Variants in KIF17 observed in about 807,000 individuals in gnomAD.
KIF17 encodes kinesin family member 17.
Under a neutral mutation model 96.8 loss-of-function variants are expected in KIF17, and 80 were observed. The observed-to-expected ratio is 0.83, with a 90% CI of 0.69 to 1.00. KIF17 has a LOEUF of 1.00. KIF17 is among the 50% of genes least tolerant of loss of function. The probability of loss-of-function intolerance (pLI) is 0.00; values close to 1 mark genes in which losing one functional copy is unlikely to be tolerated. For synonymous variants in KIF17, 567 were observed against 587.5 expected, an observed-to-expected ratio of 0.97 and a Z score of 0.51; for missense variants, 1,280 against 1,372.9, an observed-to-expected ratio of 0.93 and a Z score of 1.07.
chr1:20,710,654 C>T (rs2054419668), intron 3 of KIF17, among the ~76,000 whole-genome samples: 2 of 152,270 alleles, frequency 1.3e-5, no homozygotes, highest in South Asian at 4.1e-4. Context: ...CCACAGGAGG[C>T]TCAGCTGCTT....
chr1:20,680,604 G>C (rs2053813507), intron 11 of KIF17, among the ~76,000 whole-genome samples: 1 of 151,816 alleles, frequency 6.6e-6, no homozygotes, highest in South Asian at 2.1e-4. Flanking sequence ...ACTCCAATTA[G>C]AATACATTTG....
At chr1:20,697,247 G>A (rs1057192307) in intron 6 of KIF17, among the ~76,000 whole-genome samples, 4 of 152,206 alleles carry the variant, frequency 2.6e-5, no homozygotes, top group African/African-American at 7.2e-5. Context: ...GATACATCCA[G>A]GCCTAGCCCC....
chr1:20,717,759 A>T lies in KIF17; in HGVS notation c.-53T>A, dbSNP rs2054608954. 6.7e-7 allele frequency: 1 copy of T among 1,495,728 alleles called. No homozygotes were observed. Among genetic ancestry groups the T allele is most frequent in the South Asian group, 1.3e-5 (1 of 79,864 alleles). The allele number at this position is 1,495,728 out of a possible 1,614,324, so 92.7% of individuals were successfully genotyped here. On this transcript the variant is annotated 5_prime_UTR_variant, in exon 1 of 15. Coordinates refer to ENST00000400463, the MANE Select transcript of KIF17 (RefSeq NM_001122819.3). The stretch of plus-strand genomic sequence containing the variant: ...AGAGCTGACCCCCGCCCCGCCGGGG[A>T]CTCCCAGCAGCCCGGGCCAAGGGGC...
rs112134727 is a variant in KIF17 at position 20,701,808 on chromosome 1, C to T, written c.1123+2639G>A. On this transcript the variant is annotated intron_variant, in intron 5 of 14. Coordinates refer to ENST00000400463, the MANE Select transcript of KIF17 (RefSeq NM_001122819.3). ...AGGAGGCCATCGGTGACAAGGACAA[C>T]GTCAATGGGCCAGGACAGGGCCTGC... Among the ~76,000 whole-genome samples, 737 of 152,212 alleles carry T rather than the reference C, an allele frequency of 4.8e-3. 11 individuals are homozygous for T. Among genetic ancestry groups the T allele is most frequent in the African/African-American group, 0.017 (712 of 41,528 alleles).
At chr1:20,696,205 G>A (rs908454796) in intron 6 of KIF17, among the ~76,000 whole-genome samples, 23 of 152,036 alleles carry the variant, frequency 1.5e-4, no homozygotes, top group African/African-American at 4.3e-4. Context: ...CTCCTGGCCC[G>A]TGTCCTCTTC....
Position 20,694,942 on chromosome 1 carries a change from C to T in KIF17, c.1233+3437G>A, listed in dbSNP as rs745444436. Among the ~76,000 whole-genome samples, 47 of 152,308 alleles carry T rather than the reference C, an allele frequency of 3.1e-4. 1 individual carries two copies. Among genetic ancestry groups the T allele is most frequent in the Middle Eastern group, 3.4e-3 (1 of 294 alleles). On this transcript the variant is annotated intron_variant, in intron 6 of 14. Transcript: ENST00000400463. ...CCTCTATTGTTTTCTCCCAGCACAG[C>T]CCTGACCCTGGTTAAACCCAGGCCT...
At position 20,664,917 on chromosome 1, in the gene KIF17, C is replaced by T. The variant is rs138673071; in HGVS notation, c.2909-155G>A. ...CCTGCAGCTGGGACCCCAGGCTCTG[C>T]GAGGCTGCTCTGGCTGAGGTCTCAG... On this transcript the variant is annotated intron_variant, in intron 14 of 14. Transcript: ENST00000400463. 2.9e-3 allele frequency among the ~76,000 whole-genome samples: 449 copies of T among 152,244 alleles called. 4 individuals carry two copies. The highest frequency in any genetic ancestry group is 8.3e-3 in the South Asian group (40 of 4,822).
In KIF17 at chr1:20,707,781, A is replaced by ATGTGTGTGTGTGTGTG. The variant is rs1436276510; in HGVS notation, c.670+1857_670+1858insCACACACACACACACA. On this transcript the variant is annotated intron_variant, in intron 4 of 14. Coordinates refer to ENST00000400463, the MANE Select transcript of KIF17 (RefSeq NM_001122819.3). ...CTGTCTCAAAAAAAAAAACAAACCA[A>ATGTGTGTGTGTGTGTG]TGTGTATGTGTGTGTGTGTGTGTGT... Among the ~76,000 whole-genome samples, 53 of 90,934 alleles carry ATGTGTGTGTGTGTGTG rather than the reference A, an allele frequency of 5.8e-4. 1 individual carries two copies. The highest frequency in any genetic ancestry group is 2.4e-3 in the African/African-American group (48 of 19,958). The allele number at this position is 90,934 out of a possible 152,430, so 59.7% of individuals were successfully genotyped here. A position where few individuals can be genotyped will look rare whatever the true frequency, so the allele number is the denominator to read the frequency against.
chr1:20,698,350 C>T (rs1252665074), intron 6 of KIF17, 29 bp downstream of exon 6: 20 of 1,540,164 alleles, frequency 1.3e-5, no homozygotes, highest in Non-Finnish European at 1.8e-5. Context: ...CCTGTCCCTT[C>T]TCCATGTTCC....
rs770866547 is a variant in KIF17 at position 20,672,674 on chromosome 1, C to T, written c.2464-478G>A. ...CTCCGACTTGACAATCCTCACTCTC[C>T]CACTGCCACAGCCCTGTGTGACGGT... On this transcript the variant is annotated intron_variant, in intron 11 of 14. Coordinates refer to ENST00000400463, the MANE Select transcript of KIF17 (RefSeq NM_001122819.3). The surrounding 1 kb of genome is among the most constrained non-coding windows in gnomAD (Gnocchi z 4.3). Among the ~76,000 whole-genome samples, 7 of 152,202 alleles carry T rather than the reference C, an allele frequency of 4.6e-5. No homozygotes were observed. The highest frequency in any genetic ancestry group is 4.6e-4 in the Admixed American group (7 of 15,272).
In KIF17 at chr1:20,672,585, C is replaced by T. The variant is rs113249786; in HGVS notation, c.2464-389G>A. 2.2e-3 allele frequency among the ~76,000 whole-genome samples: 336 copies of T among 152,292 alleles called. 2 individuals are homozygous for T. The highest frequency in any genetic ancestry group is 7.4e-3 in the African/African-American group (306 of 41,552). On this transcript the variant is annotated intron_variant, in intron 11 of 14. Coordinates refer to ENST00000400463, the MANE Select transcript of KIF17 (RefSeq NM_001122819.3). The surrounding 1 kb of genome is among the most constrained non-coding windows in gnomAD (Gnocchi z 4.3). The stretch of plus-strand genomic sequence containing the variant: ...GAGAAGTCCCCACATCCAACACCAC[C>T]GTTCTAAAGGATATCAGAGAATTGC...
Position 20,709,300 on chromosome 1 carries a change from G to A in KIF17, c.670+339C>T, listed in dbSNP as rs1170479593. On this transcript the variant is annotated intron_variant, in intron 4 of 14. Transcript: ENST00000400463. This position sits in a 1 kb window ranked among gnomAD's most constrained non-coding sequence, Gnocchi z 4.7. The stretch of plus-strand genomic sequence containing the variant: ...GGAGGCTGAGGTGGGAGGCTCGCCC[G>A]AGCCTGGGAGGCAGAGGTTGCAGTG... Among the ~76,000 whole-genome samples, 1 of 152,136 alleles carries A rather than the reference G, an allele frequency of 6.6e-6. No individual in the cohort carries two copies. The highest frequency in any genetic ancestry group is 1.9e-4 in the East Asian group (1 of 5,198).
rs1236115968 is a variant in KIF17 at position 20,709,854 on chromosome 1, C to T, written c.481-26G>A. ...CTGAGGGAGGAGGAACAGTCAGGGG[C>T]GGAACCTCCAGCCGCCAAGGGTTAG... On this transcript the variant is annotated intron_variant, in intron 3 of 14. Coordinates refer to ENST00000400463, the MANE Select transcript of KIF17 (RefSeq NM_001122819.3). This position sits in a 1 kb window ranked among gnomAD's most constrained non-coding sequence, Gnocchi z 4.7. 6 of 1,579,950 alleles carry T rather than the reference C, an allele frequency of 3.8e-6. No individual in the cohort carries two copies. In the South Asian group the frequency reaches 5.7e-5, roughly 15 times the overall value.
intron 13 of KIF17, 140 bp from the exon 14 acceptor site, chr1:20,666,471 C>T: frequency 1.3e-6 from 1 of 781,610 alleles, no homozygotes; most frequent in South Asian, 1.4e-5. Flanking sequence ...CAGGCACTGC[C>T]CACTCTGGTG....
intron 5 of KIF17, among the ~76,000 whole-genome samples, chr1:20,701,425 C>T (rs1211665921): frequency 3.3e-5 from 5 of 151,542 alleles, no homozygotes; most frequent in African/African-American, 1.2e-4. Context: ...AGCAAGACTC[C>T]GTCTCAAAAA....
chr1:20,699,755 T>C lies in KIF17; in HGVS notation c.1124-1267A>G, dbSNP rs377409120. ...GGCGGTTGTGAGACTGCACTGTTCCTGGCCCAGCCAGGAGGCCAGTGTGGC... is the reference window on the plus strand; with the variant it reads ...GGCGGTTGTGAGACTGCACTGTTCCCGGCCCAGCCAGGAGGCCAGTGTGGC... On this transcript the variant is annotated intron_variant, in intron 5 of 14. Transcript: ENST00000400463. The surrounding 1 kb of genome is among the most constrained non-coding windows in gnomAD (Gnocchi z 4.3). Among the ~76,000 whole-genome samples the C allele has an allele frequency of 1.5e-4, 23 of 152,142 alleles. No homozygotes were observed. The East Asian group carries it at 4.1e-3, about 27-fold the overall frequency.
At chr1:20,713,878 A>C (rs1417412191) in intron 2 of KIF17, among the ~76,000 whole-genome samples, 6 of 152,022 alleles carry the variant, frequency 3.9e-5, no homozygotes, top group Admixed American at 3.9e-4. Context: ...AAACAAACAA[A>C]AAACAAACAA....
chr1:20,698,638 G>A (rs1338682591), intron 5 of KIF17, 150 bp from the exon 6 acceptor site: 3 of 613,682 alleles, frequency 4.9e-6, no homozygotes, highest in South Asian at 1.9e-5. Context: ...GTAAAAGGCT[G>A]TTAGTCATCC....
Position 20,709,758 on chromosome 1 carries a change from T to C in KIF17, c.551A>G (p.Gln184Arg). The stretch of plus-strand genomic sequence containing the variant: ...GCCAGTCTCCATGATGTGCTCACAC[T>C]GGGCCACGCTGTGCACCGTGTGCAT... ...LSMHTVHSVA[Q>R]CEHIMETGWK... Residue 184 changes from glutamine (Q) to arginine (R), a missense_variant, in exon 4 of 15, where the codon CAG (glutamine) becomes CGG (arginine). Transcript: ENST00000400463. This position sits in a 1 kb window ranked among gnomAD's most constrained non-coding sequence, Gnocchi z 4.7. 2 of 1,614,136 alleles carry C rather than the reference T, an allele frequency of 1.2e-6. No individual in the cohort carries two copies. The highest frequency in any genetic ancestry group is 1.6e-4 in the Middle Eastern group (1 of 6,062).
Sources: gnomAD v4.1 joint callset for allele counts (sites outside exome capture counted in the v4.1 genomes callset) on GRCh38, gnomAD v4.1.1 for gene constraint, Gnocchi (gnomAD v3.1) non-coding constraint, MANE v1.5 for transcripts, NCBI Gene and HGNC (gene_info 2026-07-23, HGNC 2026-07-21) for gene names.